Variants in PDGFRA observed in about 807,000 individuals in gnomAD.
The protein encoded by PDGFRA is platelet-derived growth factor receptor alpha.
Under a neutral mutation model 121.5 loss-of-function variants are expected in PDGFRA, and 25 were observed. The ratio of observed to expected loss-of-function variants is 0.21; its 90% CI spans 0.15 to 0.29. The LOEUF (loss-of-function observed/expected upper bound fraction) is 0.29. PDGFRA is among the 10% of genes least tolerant of loss of function. The pLI is 1.00. For missense variants in PDGFRA, 1,008 were observed against 1,345.1 expected (o/e 0.75, Z 3.92); for synonymous variants, 463 against 494.8 (o/e 0.94, Z 0.85).
Position 54,280,379 on chromosome 4 carries a change from A to G in PDGFRA, c.2220A>G (p.Thr740=), listed in dbSNP as rs2110324026. 1.2e-6 allele frequency: 2 copies of G among 1,611,758 alleles called. No homozygotes were observed. The highest frequency in any genetic ancestry group is 1.7e-6 in the Non-Finnish European group (2 of 1,177,774). ...DYMDMKQADT[T]QYVPMLERKE... ...TGGACATGAAGCAGGCTGATACTAC[A>G]CAGTATGTCCCCATGCTAGAAAGGA... Residue 740 remains threonine, a synonymous_variant, in exon 16 of 23, where the codon ACA becomes ACG. Transcript: ENST00000257290.
At chr4:54,265,546 T>C (rs1722986146) in intron 5 of PDGFRA, among the ~76,000 whole-genome samples, 1 of 152,178 alleles carries the variant, frequency 6.6e-6, no homozygotes, top group Admixed American at 6.5e-5. Flanking sequence ...GACCTTTGCA[T>C]GGCTCACCTT....
At chr4:54,255,407 A>G (rs1277888362) in intron 1 of PDGFRA, among the ~76,000 whole-genome samples, 1 of 151,968 alleles carries the variant, frequency 6.6e-6, no homozygotes. Flanking sequence ...ATCAGGCACC[A>G]CCAAATTAGG....
At chr4:54,287,342 G>C (rs900433462) in intron 18 of PDGFRA, 88 bp from the exon 19 acceptor site, 5 of 773,730 alleles carry the variant, frequency 6.5e-6, no homozygotes, top group African/African-American at 5.1e-5. Context: ...AAGTTATTAA[G>C]AGCCCAAGGG....
chr4:54,289,111 A>T lies in PDGFRA; in HGVS notation c.2877A>T (p.Lys959Asn). Residue 959 changes from lysine (K) to asparagine (N), a missense_variant, in exon 21 of 23, where the codon AAA (lysine) becomes AAT (asparagine). By Grantham distance (94) the Lys-to-Asn change is moderately conservative. This residue lies in a region of PDGFRA where 204 missense variants were observed against 243.0 expected (regional missense o/e 0.84). Coordinates refer to ENST00000257290, the MANE Select transcript of PDGFRA (RefSeq NM_006206.6). The stretch of plus-strand genomic sequence containing the variant: ...AGAATCTGCTGCCTGGACAATATAA[A>T]AAGGTGTGTTTGGATCTGTGGGTGG... ...IVENLLPGQY[K>N]KSYEKIHLDF... 6.4e-7 allele frequency: 1 copy of T among 1,560,746 alleles called. No individual in the cohort carries two copies. The highest frequency in any genetic ancestry group is 1.1e-5 in the South Asian group (1 of 89,986).
chr4:54,255,821 AAC>A (rs1487296681), intron 1 of PDGFRA, among the ~76,000 whole-genome samples: 1 of 151,044 alleles, frequency 6.6e-6, no homozygotes, highest in Non-Finnish European at 1.5e-5. Flanking sequence ...TTTTTTTTAA[AAC>A]AACAACAACA....
intron 1 of PDGFRA, among the ~76,000 whole-genome samples, chr4:54,233,562 C>T (rs1308694575): frequency 6.6e-6 from 1 of 152,238 alleles, no homozygotes; most frequent in East Asian, 1.9e-4. Flanking sequence ...ACCCCGGGGG[C>T]CCGGAGCGGA....
intron 1 of PDGFRA, chr4:54,239,996 A>G: frequency 2.5e-6 from 1 of 399,448 alleles, no homozygotes; most frequent in Non-Finnish European, 5.1e-6. Flanking sequence ...GACTATAGGC[A>G]TGCACCACCA....
At chr4:54,234,849 A>G (rs1256262570) in intron 1 of PDGFRA, among the ~76,000 whole-genome samples, 1 of 152,180 alleles carries the variant, frequency 6.6e-6, no homozygotes, top group African/African-American at 2.4e-5. Context: ...ATTCAAAAGG[A>G]TATGTCATTT....
chr4:54,273,429 A>T (rs1408283992), intron 9 of PDGFRA, 108 bp from the exon 10 acceptor site: 2 of 859,846 alleles, frequency 2.3e-6, no homozygotes, highest in South Asian at 1.3e-5. Context: ...TTGCCCCGAA[A>T]TGCAGACAAG....
rs967526063 is a variant in PDGFRA at position 54,297,669 on chromosome 4, T to C, written c.*2397T>C. ...ATGACTGCATTTGTGTGTGTGTGTGTGTTTTCAGCAAATTCCAGATTTGTT... is the reference window on the plus strand; with the variant it reads ...ATGACTGCATTTGTGTGTGTGTGTGCGTTTTCAGCAAATTCCAGATTTGTT... On this transcript the variant is annotated 3_prime_UTR_variant, in exon 23 of 23. Coordinates refer to ENST00000257290, the MANE Select transcript of PDGFRA (RefSeq NM_006206.6). 4.3e-6 allele frequency: 1 copy of C among 233,568 alleles called. No homozygotes were observed. Among genetic ancestry groups the C allele is most frequent in the African/African-American group, 2.2e-5 (1 of 45,336 alleles). The allele number at this position is 233,568 out of a possible 1,614,324, so 14.5% of individuals were successfully genotyped here. A position where few individuals can be genotyped will look rare whatever the true frequency, so the allele number is the denominator to read the frequency against.
rs563523567 is a variant in PDGFRA at position 54,230,945 on chromosome 4, C to A, written c.-13+1530C>A. 4.7e-4 allele frequency among the ~76,000 whole-genome samples: 71 copies of A among 152,320 alleles called. No homozygotes were observed. The South Asian group carries it at 0.014, about 31-fold the overall frequency. On this transcript the variant is annotated intron_variant, in intron 1 of 22. Transcript: ENST00000257290. ...CTGTTCTATTCCGGGAGGGTGTCGGCCAGGTCGGAGCGACGAGTGTGGCCC... is the reference window on the plus strand; with the variant it reads ...CTGTTCTATTCCGGGAGGGTGTCGGACAGGTCGGAGCGACGAGTGTGGCCC...
chr4:54,238,007 C>A (rs1290693620), intron 1 of PDGFRA, among the ~76,000 whole-genome samples: 1 of 152,240 alleles, frequency 6.6e-6, no homozygotes, highest in Non-Finnish European at 1.5e-5. Context: ...TGAGCCTCAA[C>A]TGCCACTTCT....
intron 3 of PDGFRA, among the ~76,000 whole-genome samples, chr4:54,263,400 C>T (rs1183427874): frequency 6.6e-6 from 1 of 152,150 alleles, no homozygotes; most frequent in Admixed American, 6.5e-5. Context: ...GCTGGGATTA[C>T]AGGCATGAGC....
chr4:54,281,094 T>C (rs1388182980), intron 16 of PDGFRA, among the ~76,000 whole-genome samples: 1 of 152,204 alleles, frequency 6.6e-6, no homozygotes, highest in African/African-American at 2.4e-5. Flanking sequence ...TTCAAGTACA[T>C]GAATATGTGG....
chr4:54,267,211 A>G (rs542218063), intron 5 of PDGFRA, 78 bp from the exon 6 acceptor site: 60 of 1,336,550 alleles, frequency 4.5e-5, no homozygotes, highest in Non-Finnish European at 6.4e-5. Context: ...CATATCATCC[A>G]GAGTCCATAG....
rs924367785 is a variant in PDGFRA, at chr4:54,289,133, G to A, written c.2880+19G>A. The A allele has an allele frequency of 2.2e-6, 3 of 1,376,028 alleles. No homozygotes were observed. Among genetic ancestry groups the A allele is most frequent in the African/African-American group, 1.4e-5 (1 of 70,338 alleles). The allele number at this position is 1,376,028 out of a possible 1,614,324, so 85.2% of individuals were successfully genotyped here. On this transcript the variant is annotated intron_variant, in intron 21 of 22. Transcript: ENST00000257290. ...TAAAAAGGTGTGTTTGGATCTGTGG[G>A]TGGAAAGGTCTGGATAAAGCTGGAA...
chr4:54,245,869 A>G (rs1220807062), intron 1 of PDGFRA, among the ~76,000 whole-genome samples: 1 of 152,076 alleles, frequency 6.6e-6, no homozygotes, highest in African/African-American at 2.4e-5. Flanking sequence ...ATGGAGGAAG[A>G]TCTACCAAGC....
chr4:54,269,892 T>C (rs956546673), intron 7 of PDGFRA, among the ~76,000 whole-genome samples: 1 of 151,968 alleles, frequency 6.6e-6, no homozygotes, highest in African/African-American at 2.4e-5. Context: ...CCTCAAGTGA[T>C]TCACCTACCT....
chr4:54,254,813 A>G (rs181556267), intron 1 of PDGFRA, among the ~76,000 whole-genome samples: 46 of 152,340 alleles, frequency 3.0e-4, no homozygotes, highest in Admixed American at 3.9e-4. Flanking sequence ...TCCCAGGCAC[A>G]TGCCGGGCTC....
Sources: allele counts gnomAD v4.1 joint callset (sites outside exome capture counted in the v4.1 genomes callset), GRCh38; gene constraint gnomAD v4.1.1; regional missense constraint gnomAD v4.1.1; transcripts MANE v1.5; gene names NCBI Gene and HGNC (gene_info 2026-07-23, HGNC 2026-07-21).